The following VSTM5 variants were observed in gnomAD, a reference collection of about 807,000 sequenced individuals.
VSTM5 encodes the protein V-set and transmembrane domain containing 5.
A neutral mutation model predicts 20.3 loss-of-function variants in VSTM5; 21 were observed. The observed-to-expected ratio is 1.03, with a 90% confidence interval of 0.73 to 1.49. The LOEUF is 1.49. VSTM5 is among the 40% of genes most tolerant of loss of function. VSTM5 has a pLI of 0.00. For synonymous variants in VSTM5, 100 were observed against 102.5 expected (o/e 0.98, Z 0.14); for missense variants, 219 against 250.0 (o/e 0.88, Z 0.84).
intron 1 of VSTM5, among the ~76,000 whole-genome samples, chr11:93,829,089 G>T (rs1439014610): frequency 6.6e-6 from 1 of 152,168 alleles, no homozygotes; most frequent in South Asian, 2.1e-4. Context: ...TCCAGGAGCC[G>T]CAGCCCCCAC....
chr11:93,837,040 CAT>C (rs1565302629), intron 1 of VSTM5, among the ~76,000 whole-genome samples: 1 of 150,684 alleles, frequency 6.6e-6, no homozygotes, highest in African/African-American at 2.4e-5. Flanking sequence ...CACACACACA[CAT>C]ATATTTTGAG....
chr11:93,833,810 C>T (rs1227418370), intron 1 of VSTM5, among the ~76,000 whole-genome samples: 2 of 152,094 alleles, frequency 1.3e-5, no homozygotes, highest in Non-Finnish European at 2.9e-5. Flanking sequence ...CTGTGTCCCT[C>T]CAGCATACCC....
intron 1 of VSTM5, among the ~76,000 whole-genome samples, chr11:93,842,427 C>T (rs1329531689): frequency 6.6e-6 from 1 of 152,262 alleles, no homozygotes; most frequent in Non-Finnish European, 1.5e-5. Context: ...TCCTACCACA[C>T]CTTTTCCAGG....
In VSTM5 at chr11:93,850,438, C is replaced by A. The variant is rs1391242683; in HGVS notation, c.65G>T (p.Cys22Phe). 1 of 1,549,372 alleles carries A rather than the reference C, an allele frequency of 6.5e-7. No homozygotes were observed. The highest frequency in any genetic ancestry group is 1.4e-5 in the African/African-American group (1 of 73,078). ...RGISLGLFAL[C>F]LAAARCLQSQ... ...CTGCAGACAGCGGGCTGCGGCCAGG[C>A]AGAGGGCGAAGAGTCCTAGGGAGAT... The change falls in exon 1 of 4, where the codon TGC (cysteine) becomes TTC (phenylalanine). Residue 22 changes from cysteine (C) to phenylalanine (F), a missense_variant. Transcript: ENST00000409977.
chr11:93,822,447 C>T (rs1944195927), intron 1 of VSTM5, among the ~76,000 whole-genome samples: 1 of 151,350 alleles, frequency 6.6e-6, no homozygotes, highest in African/African-American at 2.4e-5. Context: ...GGGATTTCAG[C>T]ACAGCTCTGA....
At chr11:93,823,403 T>C (rs1023864445) in intron 1 of VSTM5, among the ~76,000 whole-genome samples, 4 of 152,102 alleles carry the variant, frequency 2.6e-5, no homozygotes, top group African/African-American at 9.7e-5. Flanking sequence ...TGATGATATA[T>C]CTCTATGTTG....
chr11:93,846,665 A>G (rs1268206760), intron 1 of VSTM5, among the ~76,000 whole-genome samples: 1 of 152,218 alleles, frequency 6.6e-6, no homozygotes, highest in East Asian at 1.9e-4. Flanking sequence ...AAAGGAATGC[A>G]CTTCCTTTAT....
rs549116880 is a variant in VSTM5, at chr11:93,845,935, A to G, written c.91+4477T>C. ...TGACTCGCCAGGCAGGATGCCTCCC[A>G]TGACTGGCAGAAGCAACACACATTC... On this transcript the variant is annotated intron_variant, in intron 1 of 3. Coordinates refer to ENST00000409977, the MANE Select transcript of VSTM5 (RefSeq NM_001144871.2). Among the ~76,000 whole-genome samples, 22 of 152,350 alleles carry G rather than the reference A, an allele frequency of 1.4e-4. No individual in the cohort carries two copies. The South Asian group carries it at 4.6e-3, about 32-fold the overall frequency.
intron 1 of VSTM5, among the ~76,000 whole-genome samples, chr11:93,822,536 T>A (rs1287472072): frequency 6.6e-6 from 1 of 152,200 alleles, no homozygotes; most frequent in Non-Finnish European, 1.5e-5. Context: ...CAGGCTGGAG[T>A]GCTGAGTCAC....
At chr11:93,850,138 C>A (rs1944446325) in intron 1 of VSTM5, among the ~76,000 whole-genome samples, 1 of 150,310 alleles carries the variant, frequency 6.7e-6, no homozygotes, top group African/African-American at 2.4e-5. Flanking sequence ...CCGGGCTCGC[C>A]GGGTGGGGCG....
chr11:93,838,804 A>G (rs190628940), intron 1 of VSTM5, among the ~76,000 whole-genome samples: 1 of 152,332 alleles, frequency 6.6e-6, no homozygotes, highest in Admixed American at 6.5e-5. Flanking sequence ...TCTAAAAAAA[A>G]TAAAATGAAT....
intron 1 of VSTM5, among the ~76,000 whole-genome samples, chr11:93,838,411 G>C (rs949317337): frequency 6.6e-6 from 1 of 152,070 alleles, no homozygotes; most frequent in South Asian, 2.1e-4. Flanking sequence ...GGCAGAGGTT[G>C]CAGTGAGCCA....
chr11:93,837,158 A>C (rs137905529), intron 1 of VSTM5, among the ~76,000 whole-genome samples: 2,735 of 152,110 alleles, frequency 0.018, 69 homozygotes, highest in East Asian at 0.058. Context: ...CAGCCTCCTG[A>C]GTAGCTGAGA....
chr11:93,849,166 GAGA>G (rs554195799), intron 1 of VSTM5, among the ~76,000 whole-genome samples: 157 of 152,060 alleles, frequency 1.0e-3, no homozygotes, highest in African/African-American at 3.6e-3. Flanking sequence ...TTTCGCTTTG[GAGA>G]AGGTCTCATT....
chr11:93,848,662 A>G (rs1017657276), intron 1 of VSTM5, among the ~76,000 whole-genome samples: 2 of 152,170 alleles, frequency 1.3e-5, no homozygotes, highest in Non-Finnish European at 2.9e-5. Context: ...TTGCCATTGC[A>G]AGGCTGCCCC....
chr11:93,832,832 G>C (rs1026139861), intron 1 of VSTM5, among the ~76,000 whole-genome samples: 2 of 152,166 alleles, frequency 1.3e-5, no homozygotes, highest in Non-Finnish European at 2.9e-5. Context: ...GCTGAGACTG[G>C]AACCCAAGTC....
intron 1 of VSTM5, among the ~76,000 whole-genome samples, chr11:93,838,411 G>T (rs949317337): frequency 3.9e-4 from 59 of 152,070 alleles, no homozygotes; most frequent in African/African-American, 1.4e-3. Context: ...GGCAGAGGTT[G>T]CAGTGAGCCA....
chr11:93,836,029 C>T (rs1022867180), intron 1 of VSTM5, among the ~76,000 whole-genome samples: 2 of 152,208 alleles, frequency 1.3e-5, no homozygotes, highest in Non-Finnish European at 2.9e-5. Flanking sequence ...TCCCCAACCT[C>T]AGTGAAAGGC....
chr11:93,840,368 A>T (rs867493856), intron 1 of VSTM5, among the ~76,000 whole-genome samples: 90 of 152,294 alleles, frequency 5.9e-4, no homozygotes, highest in African/African-American at 2.1e-3. Context: ...AAAACTTCCC[A>T]TGTGTTTCCA....
Sources: allele counts gnomAD v4.1 joint callset (sites outside exome capture counted in the v4.1 genomes callset), GRCh38; gene constraint gnomAD v4.1.1; transcripts MANE v1.5; gene names NCBI Gene and HGNC (gene_info 2026-07-23, HGNC 2026-07-21).